FMNL2: variants seen among roughly 807,000 people sequenced by gnomAD.
FMNL2 encodes the protein formin-like protein 2.
In FMNL2, 51 loss-of-function variants were observed where a neutral mutation model predicts 130.2. That is an observed-to-expected ratio of 0.39 (90% CI 0.31 to 0.49). The LOEUF (loss-of-function observed/expected upper bound fraction) is 0.49, where lower values mean the gene tolerates loss of function less well. FMNL2 is among the 20% of genes least tolerant of loss of function. FMNL2 has a pLI of 0.85. For synonymous variants in FMNL2, 465 were observed against 467.1 expected (o/e 1.00, Z 0.06); for missense variants, 977 against 1,316.2 (o/e 0.74, Z 3.99).
chr2:152,448,034 T>C (rs1158431012), intron 1 of FMNL2, among the ~76,000 whole-genome samples: 1 of 152,182 alleles, frequency 6.6e-6, no homozygotes, highest in Non-Finnish European at 1.5e-5. Flanking sequence ...GCATCTTCAT[T>C]GATGTATTAC....
intron 1 of FMNL2, among the ~76,000 whole-genome samples, chr2:152,411,248 A>T (rs1686275315): frequency 6.6e-6 from 1 of 152,170 alleles, no homozygotes. Flanking sequence ...AAGGTAAATT[A>T]TACTCCCTAA....
chr2:152,470,614 A>G (rs772186335), intron 1 of FMNL2, among the ~76,000 whole-genome samples: 3 of 152,234 alleles, frequency 2.0e-5, no homozygotes, highest in Non-Finnish European at 4.4e-5. Flanking sequence ...TCTTATGGCC[A>G]TAATTAGTAC....
chr2:152,353,672 C>T (rs1380920041), intron 1 of FMNL2, among the ~76,000 whole-genome samples: 1 of 152,124 alleles, frequency 6.6e-6, no homozygotes, highest in East Asian at 1.9e-4. Context: ...ACCTTTTTGA[C>T]TTGTTATGGA....
chr2:152,519,126 G>GC (rs1558932244), intron 1 of FMNL2, among the ~76,000 whole-genome samples: 1 of 151,950 alleles, frequency 6.6e-6, no homozygotes, highest in Non-Finnish European at 1.5e-5. Context: ...GCTTTCGTCC[G>GC]CCCTCTGCCT....
At chr2:152,563,087 C>T (rs540207937) in intron 6 of FMNL2, among the ~76,000 whole-genome samples, 11 of 152,208 alleles carry the variant, frequency 7.2e-5, no homozygotes, top group South Asian at 4.1e-4. Flanking sequence ...TGCTGGAGGT[C>T]GAGGGACATC....
chr2:152,637,333 G>A (rs1045700840), intron 22 of FMNL2, among the ~76,000 whole-genome samples: 1 of 152,156 alleles, frequency 6.6e-6, no homozygotes, highest in African/African-American at 2.4e-5. Context: ...TGTAGAAGTG[G>A]CAGGAGGTCC....
At chr2:152,415,477 G>A (rs1014868095) in intron 1 of FMNL2, among the ~76,000 whole-genome samples, 11 of 152,152 alleles carry the variant, frequency 7.2e-5, no homozygotes, top group Admixed American at 6.5e-5. Flanking sequence ...TTTTGAAAAC[G>A]GTGACTCACT....
At chr2:152,541,045 G>T (rs554151425) in intron 2 of FMNL2, among the ~76,000 whole-genome samples, 4 of 152,288 alleles carry the variant, frequency 2.6e-5, no homozygotes, top group African/African-American at 9.6e-5. Flanking sequence ...AAAAAATTCC[G>T]TTGTGGAGTA....
intron 1 of FMNL2, among the ~76,000 whole-genome samples, chr2:152,494,197 C>T (rs1356082023): frequency 6.6e-6 from 1 of 152,210 alleles, no homozygotes; most frequent in East Asian, 1.9e-4. Flanking sequence ...GGGAGACTAT[C>T]TTCAGGAAGC....
intron 1 of FMNL2, among the ~76,000 whole-genome samples, chr2:152,465,108 C>T (rs1335756025): frequency 3.3e-5 from 5 of 152,204 alleles, no homozygotes; most frequent in African/African-American, 1.2e-4. Context: ...GATCTCATAG[C>T]CCTGCGCAAG....
intron 1 of FMNL2, among the ~76,000 whole-genome samples, chr2:152,467,794 G>A (rs1030941474): frequency 1.3e-5 from 2 of 152,214 alleles, no homozygotes; most frequent in African/African-American, 2.4e-5. Flanking sequence ...CTGGTCAACT[G>A]TTGATGCAAG....
intron 6 of FMNL2, among the ~76,000 whole-genome samples, chr2:152,571,834 A>G (rs1696184893): frequency 6.6e-6 from 1 of 152,182 alleles, no homozygotes; most frequent in Non-Finnish European, 1.5e-5. Context: ...ACATTATTTT[A>G]TAGTTATAAC....
chr2:152,348,822 T>TAAATAAATGAGACAAA (rs1560285983), intron 1 of FMNL2, among the ~76,000 whole-genome samples: 2 of 109,796 alleles, frequency 1.8e-5, no homozygotes, highest in African/African-American at 7.9e-5. Context: ...CTAAGGGTTT[T>TAAATAAATGAGACAAA]TTTTTTTTTT....
chr2:152,639,845 T>C (rs1165874017), intron 23 of FMNL2, 113 bp from the exon 24 acceptor site: 5 of 712,108 alleles, frequency 7.0e-6, no homozygotes, highest in South Asian at 6.9e-5. Flanking sequence ...TTCTCAACCT[T>C]CCATTTATTG....
chr2:152,602,699 G>A (rs992361071), intron 9 of FMNL2, among the ~76,000 whole-genome samples: 2 of 152,230 alleles, frequency 1.3e-5, no homozygotes, highest in Non-Finnish European at 2.9e-5. Context: ...TGGGCAGATG[G>A]AAGTGATGCC....
intron 1 of FMNL2, among the ~76,000 whole-genome samples, chr2:152,401,837 AAG>A (rs1296039233): frequency 1.3e-5 from 2 of 152,024 alleles, no homozygotes; most frequent in East Asian, 1.9e-4. Flanking sequence ...ATTGACCAAA[AAG>A]AGAGAGGCAG....
At chr2:152,571,723 G>A (rs1212104138) in intron 6 of FMNL2, among the ~76,000 whole-genome samples, 3 of 152,172 alleles carry the variant, frequency 2.0e-5, no homozygotes, top group African/African-American at 4.8e-5. Flanking sequence ...GAGGGCTGTG[G>A]CAAAGGACCT....
At chr2:152,364,194 C>T (rs1386822537) in intron 1 of FMNL2, among the ~76,000 whole-genome samples, 3 of 146,290 alleles carry the variant, frequency 2.1e-5, no homozygotes, top group South Asian at 2.2e-4. Flanking sequence ...ATCCAGACTA[C>T]ATTTGGTCAT....
At chr2:152,553,033 A>T (rs1695023054) in intron 4 of FMNL2, among the ~76,000 whole-genome samples, 1 of 152,198 alleles carries the variant, frequency 6.6e-6, no homozygotes, top group African/African-American at 2.4e-5. Context: ...CAGGCATGAG[A>T]TGGCAGAAGG....
Sources: gnomAD v4.1 joint callset for allele counts (sites outside exome capture counted in the v4.1 genomes callset) on GRCh38, gnomAD v4.1.1 for gene constraint, MANE v1.5 for transcripts, NCBI Gene and HGNC (gene_info 2026-07-23, HGNC 2026-07-21) for gene names.